Variants in MGAM observed in about 807,000 individuals in gnomAD.
MGAM encodes the protein alpha-1,4-glucosidase.
A neutral mutation model predicts 358.8 loss-of-function variants in MGAM; 253 were observed. The observed-to-expected ratio is 0.71, with a 90% CI of 0.64 to 0.78. The LOEUF is 0.78. MGAM is among the 30% of genes least tolerant of loss of function. MGAM has a pLI of 0.00. For synonymous variants in MGAM, 1,105 were observed against 1,227.1 expected (o/e 0.90, Z 2.08); for missense variants, 3,080 against 3,432.6 (o/e 0.90, Z 2.57).
intron 51 of MGAM, 117 bp from the exon 52 acceptor site, chr7:142,082,358 G>T (rs561765204): frequency 1.6e-6 from 2 of 1,280,302 alleles, no homozygotes; most frequent in African/African-American, 1.4e-5. Flanking sequence ...TGTTTCATGT[G>T]TTTAATTGAT....
intron 45 of MGAM, among the ~76,000 whole-genome samples, chr7:142,074,516 C>T (rs763328554): frequency 5.5e-5 from 8 of 144,274 alleles, no homozygotes; most frequent in Non-Finnish European, 1.1e-4. Context: ...CAAATGTTGA[C>T]GATATAAAAA....
rs1347896656 is a variant in MGAM, at chr7:142,052,456, C to A, written c.2958+10C>A. The A allele has an allele frequency of 1.2e-6, 2 of 1,612,696 alleles. No individual in the cohort carries two copies. The highest frequency in any genetic ancestry group is 1.1e-5 in the South Asian group (1 of 90,892). On this transcript the variant is annotated intron_variant, in intron 25 of 70. Transcript: ENST00000475668. The stretch of plus-strand genomic sequence containing the variant: ...TGGCTGTATCTGGGAGGTAACCATG[C>A]TGATGGGGTTTGTGTGCATGAGAAT...
intron 30 of MGAM, among the ~76,000 whole-genome samples, chr7:142,057,449 G>A (rs1811669875): frequency 6.8e-6 from 1 of 148,122 alleles, no homozygotes; most frequent in South Asian, 2.1e-4. Flanking sequence ...GGTGGTGGTA[G>A]TGGTGGTGAC....
chr7:142,002,898 A>G (rs1804847737), intron 1 of MGAM, among the ~76,000 whole-genome samples: 1 of 152,128 alleles, frequency 6.6e-6, no homozygotes, highest in Non-Finnish European at 1.5e-5. Context: ...ACACAAAATT[A>G]ATGTACAAAA....
At position 142,070,083 on chromosome 7, in the gene MGAM, C is replaced by T. The variant is rs556842469; in HGVS notation, c.5062-911C>T. On this transcript the variant is annotated intron_variant, in intron 43 of 70. Coordinates refer to ENST00000475668, the MANE Select transcript of MGAM (RefSeq NM_001365693.1). ...GGGCATGCACCTGTAGTCCCAGCTA[C>T]TCGGGAGGCTGAGGCATGACAATTG... Among the ~76,000 whole-genome samples the T allele has an allele frequency of 2.8e-5, 4 of 144,430 alleles. No individual in the cohort carries two copies. In the South Asian group the frequency reaches 9.0e-4, roughly 33 times the overall value. The allele number at this position is 144,430 out of a possible 152,430, so 94.8% of individuals were successfully genotyped here. A position where few individuals can be genotyped will look rare whatever the true frequency, so the allele number is the denominator to read the frequency against.
chr7:142,075,026 A>G (rs1192789983), intron 45 of MGAM, among the ~76,000 whole-genome samples: 2 of 146,176 alleles, frequency 1.4e-5, no homozygotes, highest in Non-Finnish European at 1.6e-5. Flanking sequence ...GGCTCTAAGA[A>G]CAACTGTTGT....
chr7:142,059,783 G>A (rs551298101), intron 32 of MGAM, 73 bp from the exon 33 acceptor site: 1 of 1,574,082 alleles, frequency 6.4e-7, no homozygotes, highest in Admixed American at 1.8e-5. Context: ...CACCCTTGAG[G>A]AGTTCTCCTT....
rs770598183 is a variant in MGAM, at chr7:142,082,595, T to C, written c.6268+24T>C. The stretch of plus-strand genomic sequence containing the variant: ...GGGTAAGGCCATCCAGCGCCTCCCT[T>C]ATTTTGGGGGGATACCAGTCATGCC... On this transcript the variant is annotated intron_variant, in intron 52 of 70. Coordinates refer to ENST00000475668, the MANE Select transcript of MGAM (RefSeq NM_001365693.1). 27 of 1,443,836 alleles carry C rather than the reference T, an allele frequency of 1.9e-5. 2 individuals are homozygous for C. In the East Asian group the frequency reaches 6.2e-4, roughly 33 times the overall value. 89.4% of individuals were successfully genotyped at this position (1,443,836 alleles called of 1,614,324 possible).
At chr7:142,069,142 T>C (rs920546463) in intron 43 of MGAM, among the ~76,000 whole-genome samples, 2 of 146,206 alleles carry the variant, frequency 1.4e-5, no homozygotes, top group Non-Finnish European at 3.1e-5. Flanking sequence ...CCTCCTTCCA[T>C]AGCATAGATG....
chr7:142,105,992 C>A lies in MGAM; in HGVS notation c.*101C>A. ...TGTGTTGCTAATTTGTTCATACCCA[C>A]TATTGGTGAAATATTTCTGTTAATT... On this transcript the variant is annotated 3_prime_UTR_variant, in exon 71 of 71. Transcript: ENST00000475668. 1.1e-6 allele frequency: 1 copy of A among 895,022 alleles called. No individual in the cohort carries two copies. The highest frequency in any genetic ancestry group is 1.8e-6 in the Non-Finnish European group (1 of 556,304). 55.4% of individuals were successfully genotyped at this position (895,022 alleles called of 1,614,324 possible). A position where few individuals can be genotyped will look rare whatever the true frequency, so the allele number is the denominator to read the frequency against.
chr7:142,076,216 G>A lies in MGAM; in HGVS notation c.5289G>A (p.Lys1763=). The A allele has an allele frequency of 6.5e-7, 1 of 1,547,370 alleles. No homozygotes were observed. The highest frequency in any genetic ancestry group is 8.9e-7 in the Non-Finnish European group (1 of 1,127,118). ...TGTCACTTTCAGATACTGTGGCCAA[G>A]AAAGTATATCTTTTATGTGAGTTTT... is the stretch of plus-strand genomic sequence containing the variant. The part of the protein sequence containing the change: ...DDGQTKDTVA[K]KVYLLCEFSV... Residue 1763 remains lysine (K), a synonymous_variant, in exon 46 of 71, where the codon AAG becomes AAA. Transcript: ENST00000475668.
At chr7:142,019,112 C>T in intron 3 of MGAM, 87 bp from the exon 4 acceptor site, 1 of 1,384,656 alleles carries the variant, frequency 7.2e-7, no homozygotes, top group Non-Finnish European at 9.8e-7. Flanking sequence ...TTATTCATAC[C>T]AGAGTCTCAA....
At chr7:141,998,229 T>C (rs946543959) in intron 1 of MGAM, among the ~76,000 whole-genome samples, 3 of 152,324 alleles carry the variant, frequency 2.0e-5, no homozygotes, top group African/African-American at 7.2e-5. Flanking sequence ...GTAATGTATA[T>C]ATAGTAATAA....
intron 8 of MGAM, 134 bp downstream of exon 8, chr7:142,025,283 A>T (rs1445990941): frequency 1.6e-6 from 1 of 640,872 alleles, no homozygotes; most frequent in African/African-American, 1.8e-5. Context: ...TAGATTCTCT[A>T]ATTGTGCTAT....
Position 142,027,228 on chromosome 7 carries a change from G to T in MGAM, c.1095+1G>T, listed in dbSNP as rs782540706. ...GCAAGTTGTTCAAGAATATCTAGAGGTAAACTTAGGATGTCAAGATTATGA... is the reference window on the plus strand; with the variant it reads ...GCAAGTTGTTCAAGAATATCTAGAGTTAAACTTAGGATGTCAAGATTATGA... On this transcript the variant is annotated splice_donor_variant, in intron 9 of 70. Transcript: ENST00000475668. LOFTEE classifies it high-confidence loss of function. 1 of 1,596,286 alleles carries T rather than the reference G, an allele frequency of 6.3e-7. No homozygotes were observed. The highest frequency in any genetic ancestry group is 1.1e-5 in the South Asian group (1 of 90,608).
At position 142,063,662 on chromosome 7, in the gene MGAM, C is replaced by T. The variant is rs1267896035; in HGVS notation, c.4345+76C>T. 4.0e-6 allele frequency: 6 copies of T among 1,489,348 alleles called. No individual in the cohort carries two copies. The Admixed American group carries it at 5.8e-5, about 14-fold the overall frequency. 92.3% of individuals were successfully genotyped at this position (1,489,348 alleles called of 1,614,324 possible). A position where few individuals can be genotyped will look rare whatever the true frequency, so the allele number is the denominator to read the frequency against. On this transcript the variant is annotated intron_variant, in intron 36 of 70. Coordinates refer to ENST00000475668, the MANE Select transcript of MGAM (RefSeq NM_001365693.1). ...CACTGGAGGAGCCCGAGGCCAGGGG[C>T]AGCCCCACAGCTGAGGGCACATCCT...
At chr7:142,039,706 G>A (rs1163627063) in intron 19 of MGAM, among the ~76,000 whole-genome samples, 1 of 152,140 alleles carries the variant, frequency 6.6e-6, no homozygotes, top group Admixed American at 6.5e-5. Context: ...GGCTGATCGG[G>A]ATGTGATTGT....
chr7:142,020,176 G>A (rs1465115475), intron 4 of MGAM, among the ~76,000 whole-genome samples: 3 of 152,150 alleles, frequency 2.0e-5, no homozygotes, highest in Non-Finnish European at 4.4e-5. Context: ...GAGGAGGCAT[G>A]TTCCCCTTTC....
At chr7:142,060,026 G>T in intron 33 of MGAM, 60 bp downstream of exon 33, 1 of 1,495,508 alleles carries the variant, frequency 6.7e-7, no homozygotes, top group Non-Finnish European at 9.1e-7. Context: ...CTGTTGGTGG[G>T]TCACTGTTAG....
Sources: allele counts gnomAD v4.1 joint callset (sites outside exome capture counted in the v4.1 genomes callset), GRCh38; gene constraint gnomAD v4.1.1; transcripts MANE v1.5; gene names NCBI Gene and HGNC (gene_info 2026-07-23, HGNC 2026-07-21).